ZNF385D: variants seen among roughly 807,000 people sequenced by gnomAD.
ZNF385D encodes the protein zinc finger protein 659.
Under a neutral mutation model 35.8 loss-of-function variants are expected in ZNF385D, and 15 were observed. The ratio of observed to expected loss-of-function variants is 0.42; its 90% confidence interval spans 0.28 to 0.64. ZNF385D has a LOEUF of 0.64. Among genes scored for constraint, ZNF385D ranks in the 30% least tolerant of loss-of-function variants. The pLI is 0.23. For missense variants in ZNF385D, 474 were observed against 494.6 expected, an observed-to-expected ratio of 0.96 and a Z score of 0.39; for synonymous variants, 212 against 186.8, an observed-to-expected ratio of 1.13 and a Z score of -1.10.
intron 3 of ZNF385D, among the ~76,000 whole-genome samples, chr3:22,046,034 G>C (rs1410973618): frequency 2.6e-5 from 4 of 152,142 alleles, no homozygotes; most frequent in Non-Finnish European, 5.9e-5. Context: ...GCACTTGTTA[G>C]TATAATAATT....
intron 3 of ZNF385D, among the ~76,000 whole-genome samples, chr3:21,547,596 T>C (rs2062420551): frequency 6.6e-6 from 1 of 151,834 alleles, no homozygotes; most frequent in African/African-American, 2.4e-5. Context: ...TAAGGGCAGT[T>C]AGATGTACTT....
At chr3:22,228,004 T>A (rs952876221) in intron 2 of ZNF385D, among the ~76,000 whole-genome samples, 16 of 152,122 alleles carry the variant, frequency 1.1e-4, no homozygotes, top group Non-Finnish European at 1.5e-5. Flanking sequence ...AGAACCCGCC[T>A]AAACTAAGCC....
intron 2 of ZNF385D, among the ~76,000 whole-genome samples, chr3:22,349,265 G>A (rs1038162017): frequency 1.3e-5 from 2 of 152,176 alleles, no homozygotes; most frequent in Admixed American, 6.5e-5. Context: ...AGCAGCAGCA[G>A]AAGAATCTCA....
At chr3:22,090,462 T>C (rs552142154) in intron 3 of ZNF385D, among the ~76,000 whole-genome samples, 2 of 151,814 alleles carry the variant, frequency 1.3e-5, no homozygotes, top group South Asian at 2.1e-4. Flanking sequence ...ATAAGGAGCA[T>C]GGTGTGGGAT....
At chr3:21,988,463 C>G (rs972977478) in intron 3 of ZNF385D, among the ~76,000 whole-genome samples, 5 of 137,720 alleles carry the variant, frequency 3.6e-5, no homozygotes, top group African/African-American at 2.5e-5. Context: ...TGGGGGGTGC[C>G]TCCCAGTTAG....
intron 4 of ZNF385D, among the ~76,000 whole-genome samples, chr3:21,478,797 C>A (rs1415292658): frequency 6.6e-6 from 1 of 152,022 alleles, no homozygotes; most frequent in African/African-American, 2.4e-5. Flanking sequence ...AAAACACCAT[C>A]CCCAGTAACA....
chr3:21,878,730 G>C (rs1438347732), intron 3 of ZNF385D, among the ~76,000 whole-genome samples: 2 of 152,050 alleles, frequency 1.3e-5, no homozygotes, highest in African/African-American at 4.8e-5. Flanking sequence ...AGTCATGGAT[G>C]TGCTTCTATT....
intron 2 of ZNF385D, among the ~76,000 whole-genome samples, chr3:22,368,656 C>G (rs1474326033): frequency 6.6e-6 from 1 of 152,250 alleles, no homozygotes; most frequent in Admixed American, 6.5e-5. Context: ...CTTCACATGA[C>G]AAAGAAAGGG....
chr3:21,829,956 T>A (rs1347911883), intron 3 of ZNF385D, among the ~76,000 whole-genome samples: 1 of 151,942 alleles, frequency 6.6e-6, no homozygotes, highest in East Asian at 2.0e-4. Context: ...AAACCCCATC[T>A]CTACTAAAAA....
intron 3 of ZNF385D, among the ~76,000 whole-genome samples, chr3:21,781,127 T>C (rs890889121): frequency 6.6e-6 from 1 of 151,988 alleles, no homozygotes; most frequent in Non-Finnish European, 1.5e-5. Context: ...CCGGAAGAGA[T>C]ATGTAAGGTC....
chr3:22,328,737 G>A (rs911733782), intron 2 of ZNF385D, among the ~76,000 whole-genome samples: 2 of 150,706 alleles, frequency 1.3e-5, no homozygotes, highest in African/African-American at 4.9e-5. Context: ...ACTCAAGCCT[G>A]GTGACACAGC....
At chr3:22,016,269 T>C (rs973745433) in intron 3 of ZNF385D, among the ~76,000 whole-genome samples, 1 of 152,046 alleles carries the variant, frequency 6.6e-6, no homozygotes, top group South Asian at 2.1e-4. Flanking sequence ...AGGGTAGGTA[T>C]GCGTCCAAAC....
intron 2 of ZNF385D, among the ~76,000 whole-genome samples, chr3:22,312,963 T>A (rs1241711154): frequency 2.0e-5 from 3 of 148,476 alleles, no homozygotes. Context: ...GTATGTTTAT[T>A]GCAGCACTAT....
chr3:22,107,287 T>G (rs1267963370), intron 3 of ZNF385D, among the ~76,000 whole-genome samples: 1 of 151,970 alleles, frequency 6.6e-6, no homozygotes, highest in Non-Finnish European at 1.5e-5. Flanking sequence ...CCTCCCAAAG[T>G]GCTGGGATTA....
At chr3:21,983,274 A>T (rs1171576389) in intron 3 of ZNF385D, among the ~76,000 whole-genome samples, 19 of 139,328 alleles carry the variant, frequency 1.4e-4, no homozygotes, top group African/African-American at 5.0e-4. Context: ...CTAACTCGTC[A>T]TCTAGCATTA....
intron 3 of ZNF385D, among the ~76,000 whole-genome samples, chr3:21,816,789 C>T (rs545339885): frequency 2.3e-4 from 35 of 152,254 alleles, no homozygotes; most frequent in African/African-American, 8.2e-4. Context: ...AATGCCATCC[C>T]CATCAAGCTC....
chr3:21,453,372 C>G (rs993642931), intron 4 of ZNF385D, among the ~76,000 whole-genome samples: 3 of 151,854 alleles, frequency 2.0e-5, no homozygotes, highest in African/African-American at 7.3e-5. Context: ...CTAAGTTGAA[C>G]TGCATCAAAA....
intron 1 of ZNF385D, among the ~76,000 whole-genome samples, chr3:21,701,672 G>C (rs955671313): frequency 5.9e-5 from 9 of 152,278 alleles, no homozygotes; most frequent in Admixed American, 5.9e-4. Flanking sequence ...CTATGAACCT[G>C]TAAAATCAAA....
At chr3:21,449,914 T>C (rs1404956814) in intron 4 of ZNF385D, among the ~76,000 whole-genome samples, 4 of 152,128 alleles carry the variant, frequency 2.6e-5, no homozygotes, top group African/African-American at 9.7e-5. Context: ...AGCCTGATAC[T>C]TGAAAGGCTG....
Sources: gnomAD v4.1 joint callset for allele counts (sites outside exome capture counted in the v4.1 genomes callset) on GRCh38, gnomAD v4.1.1 for gene constraint, MANE v1.5 for transcripts, NCBI Gene and HGNC (gene_info 2026-07-23, HGNC 2026-07-21) for gene names.